Variants in SPAG1 observed in about 807,000 individuals in gnomAD.
SPAG1 encodes sperm-associated antigen 1.
Under a neutral mutation model 100.5 loss-of-function variants are expected in SPAG1, and 69 were observed. That is an observed-to-expected ratio of 0.69 (90% CI 0.57 to 0.84). The LOEUF (loss-of-function observed/expected upper bound fraction) is 0.84, where lower values mean the gene tolerates loss of function less well. Ranked by LOEUF, SPAG1 falls within the 40% of genes least tolerant of loss-of-function variation. The pLI, the probability that SPAG1 is intolerant of heterozygous loss-of-function variation, is 0.00. For synonymous variants in SPAG1, 336 were observed against 411.6 expected (o/e 0.82, Z 2.22); for missense variants, 955 against 1,133.1 (o/e 0.84, Z 2.26).
At chr8:100,164,309 T>C (rs1418025416) in intron 2 of SPAG1, among the ~76,000 whole-genome samples, 1 of 152,222 alleles carries the variant, frequency 6.6e-6, no homozygotes, top group Non-Finnish European at 1.5e-5. Context: ...ATATATATGT[T>C]GAAGAGAAAA....
chr8:100,190,676 T>TC (rs1280246578), intron 8 of SPAG1, among the ~76,000 whole-genome samples: 1 of 147,090 alleles, frequency 6.8e-6, no homozygotes, highest in Non-Finnish European at 1.5e-5. Flanking sequence ...TTTTTTTTTT[T>TC]TTTTTGGAGA....
chr8:100,194,129 T>A lies in SPAG1; in HGVS notation c.957T>A (p.Val319=), dbSNP rs146528350. ...TGTTGCAGAAAACCTTGTCAGAGGT[T>A]GAAAGAGATCTGAAAAATTCTGAAG... The part of the protein sequence containing the change: ...NDLAKKTLSE[V]ERDLKNSEAA... Residue 319 remains valine (V), a synonymous_variant, in exon 10 of 19, where the codon GTT becomes GTA. Transcript: ENST00000388798. The A allele has an allele frequency of 6.7e-4, 1,050 of 1,574,718 alleles. 9 individuals are homozygous for A. The Middle Eastern group carries it at 6.8e-3, about 10-fold the overall frequency.
At chr8:100,209,089 A>G (rs567605970) in intron 10 of SPAG1, among the ~76,000 whole-genome samples, 85 of 152,216 alleles carry the variant, frequency 5.6e-4, no homozygotes, top group African/African-American at 2.0e-3. Flanking sequence ...GCGAATATAA[A>G]GCAGACAGAA....
chr8:100,213,970 G>A (rs754306444), intron 12 of SPAG1, 52 bp downstream of exon 12: 3 of 1,040,828 alleles, frequency 2.9e-6, no homozygotes, highest in Admixed American at 2.0e-5. Context: ...TTTCATTATG[G>A]TGAATGCAAT....
chr8:100,194,571 T>C, intron 10 of SPAG1: 1 of 510,276 alleles, frequency 2.0e-6, no homozygotes, highest in Non-Finnish European at 3.4e-6. Flanking sequence ...TTTAAATATC[T>C]CTCTTTGATA....
intron 12 of SPAG1, 100 bp from the exon 13 acceptor site, chr8:100,220,179 A>T: frequency 1.0e-6 from 1 of 997,206 alleles, no homozygotes; most frequent in Non-Finnish European, 1.5e-6. Context: ...TCGGATGTGT[A>T]CATATTTGAG....
chr8:100,175,409 C>T (rs931209484), intron 3 of SPAG1, among the ~76,000 whole-genome samples: 1 of 151,682 alleles, frequency 6.6e-6, no homozygotes, highest in East Asian at 1.9e-4. Context: ...CTCAGCCTCC[C>T]GAGTAGCTGG....
intron 4 of SPAG1, among the ~76,000 whole-genome samples, chr8:100,183,057 T>A (rs1173008472): frequency 6.6e-6 from 1 of 152,146 alleles, no homozygotes. Flanking sequence ...CACTGCAACC[T>A]CCACCTCCCA....
At chr8:100,228,753 A>C (rs923052400) in intron 14 of SPAG1, among the ~76,000 whole-genome samples, 4 of 152,138 alleles carry the variant, frequency 2.6e-5, no homozygotes, top group Non-Finnish European at 4.4e-5. Context: ...TTTATCTATC[A>C]GAAGATTTTA....
At position 100,233,397 on chromosome 8, in the gene SPAG1, T is replaced by C. The variant is rs763810869; in HGVS notation, c.1989-14T>C. The C allele has an allele frequency of 9.3e-6, 15 of 1,613,164 alleles. No individual in the cohort carries two copies. In the Admixed American group the frequency reaches 1.2e-4, roughly 13 times the overall value. ...TTACCTTTCATAATACTGAGTTCCA[T>C]TGCATTATGCCAGAGCTCTCTGTTA... On this transcript the variant is annotated splice_polypyrimidine_tract_variant and intron_variant, in intron 15 of 18. Transcript: ENST00000388798.
At chr8:100,226,111 C>T (rs1425268403) in intron 14 of SPAG1, among the ~76,000 whole-genome samples, 1 of 152,014 alleles carries the variant, frequency 6.6e-6, no homozygotes, top group East Asian at 1.9e-4. Context: ...ATTCTCCTGC[C>T]TCAGCCTCCC....
rs200468756 is a variant in SPAG1, at chr8:100,189,494, AT to A, written c.833-1892del. ...TCCATCTCAAAAAAAACCATAATAA[AT>A]TTTAAAAAAAATTACTAGACATGGT... is the stretch of plus-strand genomic sequence containing the variant. On this transcript the variant is annotated intron_variant, in intron 8 of 18. Transcript: ENST00000388798. Among the ~76,000 whole-genome samples the A allele has an allele frequency of 1.1e-4, 16 of 151,746 alleles. No individual in the cohort carries two copies. The East Asian group carries it at 2.1e-3, about 20-fold the overall frequency.
chr8:100,187,825 CTAGGTGGCTATATA>C (rs1174123604), intron 8 of SPAG1, among the ~76,000 whole-genome samples: 2 of 152,116 alleles, frequency 1.3e-5, no homozygotes, highest in Admixed American at 6.6e-5. Context: ...ATATTTCCAC[CTAGGTGGCTATATA>C]TAATTTTGTT....
At chr8:100,206,522 G>A (rs993485844) in intron 10 of SPAG1, among the ~76,000 whole-genome samples, 2 of 152,194 alleles carry the variant, frequency 1.3e-5, no homozygotes, top group Non-Finnish European at 2.9e-5. Flanking sequence ...GGACTTATTG[G>A]TGAGACATTT....
chr8:100,225,776 T>G (rs1818482238), intron 14 of SPAG1, among the ~76,000 whole-genome samples: 1 of 151,926 alleles, frequency 6.6e-6, no homozygotes, highest in African/African-American at 2.4e-5. Flanking sequence ...AACTACATGG[T>G]CTTAAGAAGT....
intron 8 of SPAG1, 76 bp downstream of exon 8, chr8:100,187,326 G>T: frequency 8.4e-7 from 1 of 1,188,550 alleles, no homozygotes; most frequent in Non-Finnish European, 1.1e-6. Context: ...TACTTGTAAT[G>T]TTTACATTAA....
chr8:100,219,948 C>T (rs1818185374), intron 12 of SPAG1, among the ~76,000 whole-genome samples: 2 of 152,184 alleles, frequency 1.3e-5, no homozygotes, highest in South Asian at 4.1e-4. Flanking sequence ...TTTAATCTGT[C>T]AACGACAATC....
In SPAG1 at chr8:100,238,379, A is replaced by G. The variant is rs142815386; in HGVS notation, c.2116-861A>G. Among the ~76,000 whole-genome samples, 424 of 152,348 alleles carry G rather than the reference A, an allele frequency of 2.8e-3. 1 individual carries two copies. The highest frequency in any genetic ancestry group is 9.7e-3 in the African/African-American group (403 of 41,584). ...ACAGCTAGGCCCCCGGGAATGTCAC[A>G]TAATCACTAGCTCAGCTTATCTGTG... On this transcript the variant is annotated intron_variant, in intron 16 of 18. Transcript: ENST00000388798.
In SPAG1 at chr8:100,241,575, T is replaced by A. The variant is rs1487846869; in HGVS notation, c.*553T>A. 1 of 152,180 alleles carries A rather than the reference T, an allele frequency of 6.6e-6. No homozygotes were observed. The highest frequency in any genetic ancestry group is 2.4e-5 in the African/African-American group (1 of 41,450). 9.4% of individuals were successfully genotyped at this position (152,180 alleles called of 1,614,324 possible). A position where few individuals can be genotyped will look rare whatever the true frequency, so the allele number is the denominator to read the frequency against. The stretch of plus-strand genomic sequence containing the variant: ...TTTAGAGCTATAAGAGGAACTTATT[T>A]TTTCTAATACGGAAGCATTGCCTAA... On this transcript the variant is annotated 3_prime_UTR_variant, in exon 19 of 19. Coordinates refer to ENST00000388798, the MANE Select transcript of SPAG1 (RefSeq NM_003114.5). This position sits in a 1 kb window ranked among gnomAD's most constrained non-coding sequence, Gnocchi z 5.1.
Sources: gnomAD v4.1 joint callset for allele counts (sites outside exome capture counted in the v4.1 genomes callset) on GRCh38, gnomAD v4.1.1 for gene constraint, Gnocchi (gnomAD v3.1) non-coding constraint, MANE v1.5 for transcripts, NCBI Gene and HGNC (gene_info 2026-07-23, HGNC 2026-07-21) for gene names.